RALYL: variants seen among roughly 807,000 people sequenced by gnomAD.
RALYL encodes RALY RNA binding protein like.
Under a neutral mutation model 35.1 loss-of-function variants are expected in RALYL, and 29 were observed. The observed-to-expected ratio is 0.83, with a 90% CI of 0.61 to 1.13. The LOEUF (loss-of-function observed/expected upper bound fraction) is 1.13, where lower values mean the gene tolerates loss of function less well. Ranked by LOEUF, RALYL falls within the 50% of genes most tolerant of loss-of-function variation. The probability of loss-of-function intolerance (pLI) is 0.00; values close to 1 mark genes in which losing one functional copy is unlikely to be tolerated. For missense variants in RALYL, 359 were observed against 360.4 expected (o/e 1.00, Z 0.03); for synonymous variants, 120 against 127.6 (o/e 0.94, Z 0.40).
chr8:84,839,523 G>A (rs1832748842), intron 4 of RALYL, among the ~76,000 whole-genome samples: 1 of 152,212 alleles, frequency 6.6e-6, no homozygotes, highest in Non-Finnish European at 1.5e-5. Context: ...GCCTGCCTCT[G>A]TAGACTCCAC....
Position 84,549,447 on chromosome 8 carries a change from C to T in RALYL, c.256+19870C>T, listed in dbSNP as rs574957526. On this transcript the variant is annotated intron_variant, in intron 2 of 8. Transcript: ENST00000521268. Reference sequence around the variant, plus strand: ...CATAGCTCTAAACAAAATGAGTTTGCCATTTTATGGATCCAGGAGGTGGGA... The same window carrying T: ...CATAGCTCTAAACAAAATGAGTTTGTCATTTTATGGATCCAGGAGGTGGGA... Among the ~76,000 whole-genome samples the T allele has an allele frequency of 6.3e-4, 96 of 152,168 alleles. 1 individual carries two copies. The highest frequency in any genetic ancestry group is 1.3e-3 in the Non-Finnish European group (85 of 68,000).
chr8:84,709,059 T>C (rs1339238298), intron 2 of RALYL, among the ~76,000 whole-genome samples: 1 of 152,216 alleles, frequency 6.6e-6, no homozygotes, highest in African/African-American at 2.4e-5. Context: ...ATCATGGAAA[T>C]ACTTGAGATC....
rs536209736 is a variant in RALYL at position 84,583,718 on chromosome 8, T to C, written c.256+54141T>C. Among the ~76,000 whole-genome samples the C allele has an allele frequency of 2.4e-4, 37 of 152,290 alleles. No homozygotes were observed. The South Asian group carries it at 2.5e-3, about 10-fold the overall frequency. On this transcript the variant is annotated intron_variant, in intron 2 of 8. Transcript: ENST00000521268. ...GACATCCCTGCACAATTATAAAATA[T>C]ATTCTTAAAAAACACATTTTTATTA...
At chr8:84,437,291 C>G (rs956290609) in intron 1 of RALYL, among the ~76,000 whole-genome samples, 1 of 152,072 alleles carries the variant, frequency 6.6e-6, no homozygotes, top group Non-Finnish European at 1.5e-5. Flanking sequence ...AGGTTGATTT[C>G]ATGTCTTTGC....
At chr8:84,492,099 G>A (rs1451820851) in intron 1 of RALYL, among the ~76,000 whole-genome samples, 3 of 151,890 alleles carry the variant, frequency 2.0e-5, no homozygotes, top group Non-Finnish European at 4.4e-5. Context: ...GTCTTCTAAT[G>A]TTTCCACTTG....
chr8:84,799,418 A>T (rs1274468623), intron 3 of RALYL, among the ~76,000 whole-genome samples: 1 of 152,242 alleles, frequency 6.6e-6, no homozygotes, highest in African/African-American at 2.4e-5. Context: ...AACACCAAAG[A>T]AATACTGAAG....
At chr8:84,527,333 C>T (rs764056475) in intron 1 of RALYL, among the ~76,000 whole-genome samples, 178 of 152,182 alleles carry the variant, frequency 1.2e-3, no homozygotes, top group Admixed American at 2.1e-3. Context: ...ACAGCTGTAC[C>T]CTCGAATTAA....
intron 1 of RALYL, among the ~76,000 whole-genome samples, chr8:84,188,255 G>T (rs1407929440): frequency 2.0e-5 from 3 of 151,924 alleles, no homozygotes; most frequent in African/African-American, 7.2e-5. Context: ...TTTAAAAATA[G>T]TTATTTCTTT....
rs138967486 is a variant in RALYL, at chr8:84,919,701, G to A, written c.859-1193G>A. On this transcript the variant is annotated intron_variant, in intron 8 of 8. Transcript: ENST00000521268. ...ATATATCAAAATACAGTGTCAAAATGTCTTATTCATGAAAGCTTCTTTCCT... is the reference window on the plus strand; with the variant it reads ...ATATATCAAAATACAGTGTCAAAATATCTTATTCATGAAAGCTTCTTTCCT... Among the ~76,000 whole-genome samples the A allele has an allele frequency of 3.7e-3, 560 of 152,196 alleles. 4 individuals carry two copies. The highest frequency in any genetic ancestry group is 0.012 in the African/African-American group (502 of 41,554).
intron 7 of RALYL, among the ~76,000 whole-genome samples, chr8:84,884,092 G>T (rs1842582172): frequency 6.6e-6 from 1 of 151,898 alleles, no homozygotes; most frequent in South Asian, 2.1e-4. Context: ...TTCAGTGAGG[G>T]GTACGGAGCA....
chr8:84,806,845 C>T (rs925470518), intron 4 of RALYL, among the ~76,000 whole-genome samples: 1 of 152,190 alleles, frequency 6.6e-6, no homozygotes, highest in East Asian at 1.9e-4. Context: ...AACATCATCT[C>T]TACAAAAAAT....
chr8:84,258,715 T>A (rs989868681), intron 1 of RALYL, among the ~76,000 whole-genome samples: 1 of 152,150 alleles, frequency 6.6e-6, no homozygotes, highest in African/African-American at 2.4e-5. Flanking sequence ...TTTAAGAATT[T>A]TTTTACCAGG....
At chr8:84,557,722 G>A (rs1411636015) in intron 2 of RALYL, among the ~76,000 whole-genome samples, 1 of 151,786 alleles carries the variant, frequency 6.6e-6, no homozygotes, top group Non-Finnish European at 1.5e-5. Context: ...GTATTTAGAA[G>A]ATCTATTTAC....
intron 2 of RALYL, among the ~76,000 whole-genome samples, chr8:84,701,089 A>T (rs973260499): frequency 6.6e-6 from 1 of 152,172 alleles, no homozygotes; most frequent in Admixed American, 6.6e-5. Flanking sequence ...TCCCACCCAT[A>T]CATCAGGGGC....
At chr8:84,419,888 T>C (rs1421549956) in intron 1 of RALYL, among the ~76,000 whole-genome samples, 4 of 151,898 alleles carry the variant, frequency 2.6e-5, no homozygotes, top group African/African-American at 7.3e-5. Context: ...TCATTTTTTA[T>C]GGCTGCATAG....
chr8:84,590,319 C>G (rs79786381), intron 2 of RALYL, among the ~76,000 whole-genome samples: 7,070 of 152,186 alleles, frequency 0.046, 356 homozygotes, highest in African/African-American at 0.12. Flanking sequence ...TACAGGATAT[C>G]TCATGATCAT....
chr8:84,630,697 A>G (rs576531692), intron 2 of RALYL, among the ~76,000 whole-genome samples: 32 of 152,152 alleles, frequency 2.1e-4, no homozygotes, highest in Admixed American at 1.2e-3. Context: ...CAAACTAAAA[A>G]CTGTTAAATG....
chr8:84,735,809 CGCGA>C (rs752117218), intron 2 of RALYL, among the ~76,000 whole-genome samples: 21,873 of 118,924 alleles, frequency 0.18, 1,831 homozygotes, highest in Non-Finnish European at 0.24. Context: ...TCATCCAAAC[CGCGA>C]GAGAGAGAGA....
At chr8:84,525,529 T>TTG in intron 1 of RALYL, among the ~76,000 whole-genome samples, 1 of 152,126 alleles carries the variant, frequency 6.6e-6, no homozygotes, top group Non-Finnish European at 1.5e-5. Flanking sequence ...TTATCATTTT[T>TTG]ATCAAATTTG....
Sources: gnomAD v4.1 joint callset for allele counts (sites outside exome capture counted in the v4.1 genomes callset) on GRCh38, gnomAD v4.1.1 for gene constraint, MANE v1.5 for transcripts, NCBI Gene and HGNC (gene_info 2026-07-23, HGNC 2026-07-21) for gene names.